The following BTBD9 variants were observed in gnomAD, a reference collection of about 807,000 sequenced individuals.
BTBD9 encodes BTB domain containing 9.
A neutral mutation model predicts 64.3 loss-of-function variants in BTBD9; 49 were observed. That is an observed-to-expected ratio of 0.76 (90% CI 0.61 to 0.97). The LOEUF (loss-of-function observed/expected upper bound fraction) is 0.97. Among genes scored for constraint, BTBD9 ranks in the 50% least tolerant of loss-of-function variants. The pLI is 0.00. For missense variants in BTBD9, 598 were observed against 762.1 expected, an observed-to-expected ratio of 0.78 and a Z score of 2.53; for synonymous variants, 260 against 274.7, an observed-to-expected ratio of 0.95 and a Z score of 0.53.
chr6:38,601,154 A>C (rs1777226206), intron 1 of BTBD9, among the ~76,000 whole-genome samples: 1 of 152,160 alleles, frequency 6.6e-6, no homozygotes, highest in Admixed American at 6.5e-5. Flanking sequence ...TGATTCTACT[A>C]AGCAACCTGG....
At chr6:38,571,544 C>T (rs1039266517) in intron 6 of BTBD9, among the ~76,000 whole-genome samples, 1 of 152,110 alleles carries the variant, frequency 6.6e-6, no homozygotes, top group East Asian at 1.9e-4. Flanking sequence ...GATTAAAATG[C>T]CATATACCAA....
chr6:38,390,876 A>C (rs956420898), intron 6 of BTBD9, among the ~76,000 whole-genome samples: 3 of 152,196 alleles, frequency 2.0e-5, no homozygotes, highest in Non-Finnish European at 4.4e-5. Context: ...TTTACTTAGC[A>C]AAATTCCTTT....
chr6:38,397,624 A>C (rs1766739169), intron 6 of BTBD9, among the ~76,000 whole-genome samples: 1 of 152,236 alleles, frequency 6.6e-6, no homozygotes, highest in Non-Finnish European at 1.5e-5. Flanking sequence ...AGAGAGAACT[A>C]GGCAGGAGAT....
chr6:38,347,445 A>C (rs1305625186), intron 6 of BTBD9, among the ~76,000 whole-genome samples: 1 of 152,216 alleles, frequency 6.6e-6, no homozygotes, highest in African/African-American at 2.4e-5. Context: ...TGCTCATAAC[A>C]AGTTTAATTA....
chr6:38,558,769 C>T (rs1232462717), intron 6 of BTBD9, among the ~76,000 whole-genome samples: 1 of 152,166 alleles, frequency 6.6e-6, no homozygotes, highest in Non-Finnish European at 1.5e-5. Context: ...TTTTGATGTG[C>T]TGCTGGATTT....
chr6:38,325,347 T>C (rs1285935183), intron 7 of BTBD9, among the ~76,000 whole-genome samples: 1 of 152,158 alleles, frequency 6.6e-6, no homozygotes, highest in East Asian at 1.9e-4. Context: ...AAGGATGGCA[T>C]ATACGATTAA....
chr6:38,373,690 T>A (rs534508946), intron 6 of BTBD9, among the ~76,000 whole-genome samples: 91 of 152,144 alleles, frequency 6.0e-4, no homozygotes, highest in African/African-American at 2.1e-3. Flanking sequence ...CACCACCACA[T>A]CCAGCTTTTT....
intron 5 of BTBD9, 87 bp from the exon 6 acceptor site, chr6:38,577,806 A>C: frequency 8.4e-7 from 1 of 1,188,472 alleles, no homozygotes; most frequent in African/African-American, 1.6e-5. Flanking sequence ...TAAAAGGTAC[A>C]AAAAATACAG....
At chr6:38,497,368 G>GT (rs1772002989) in intron 6 of BTBD9, among the ~76,000 whole-genome samples, 1 of 152,042 alleles carries the variant, frequency 6.6e-6, no homozygotes, top group African/African-American at 2.4e-5. Context: ...TCTAATGTAG[G>GT]TCCCAAGGAT....
At chr6:38,280,799 C>T (rs768249891) in intron 8 of BTBD9, among the ~76,000 whole-genome samples, 1 of 152,208 alleles carries the variant, frequency 6.6e-6, no homozygotes. Flanking sequence ...TCCTCACATA[C>T]ACTTAGATAA....
At chr6:38,206,926 T>C (rs780762974) in intron 9 of BTBD9, among the ~76,000 whole-genome samples, 20 of 152,106 alleles carry the variant, frequency 1.3e-4, no homozygotes, top group Non-Finnish European at 2.8e-4. Flanking sequence ...TTGGACAAGG[T>C]AGGGTGACAC....
chr6:38,632,327 T>C (rs980206643), intron 1 of BTBD9, among the ~76,000 whole-genome samples: 1 of 152,208 alleles, frequency 6.6e-6, no homozygotes. Flanking sequence ...ATGTATAAAA[T>C]AGGACCAAAG....
intron 9 of BTBD9, among the ~76,000 whole-genome samples, chr6:38,195,882 C>T (rs572164901): frequency 1.7e-4 from 26 of 152,294 alleles, no homozygotes; most frequent in African/African-American, 4.6e-4. Context: ...TAGCTTTGGA[C>T]GGAAGAATTT....
intron 6 of BTBD9, among the ~76,000 whole-genome samples, chr6:38,469,561 C>A (rs540089200): frequency 6.6e-6 from 1 of 152,154 alleles, no homozygotes; most frequent in South Asian, 2.1e-4. Context: ...ACCTCATGAT[C>A]CGCCCATCTC....
intron 6 of BTBD9, among the ~76,000 whole-genome samples, chr6:38,539,069 G>A (rs1164575482): frequency 1.3e-5 from 2 of 152,074 alleles, no homozygotes; most frequent in Non-Finnish European, 2.9e-5. Context: ...GCCTCCCAAA[G>A]TGCTGGGATT....
At chr6:38,223,159 G>A (rs531899647) in intron 9 of BTBD9, among the ~76,000 whole-genome samples, 191 of 152,158 alleles carry the variant, frequency 1.3e-3, no homozygotes, top group Non-Finnish European at 2.2e-3. Context: ...CACCTGCCTC[G>A]GCTTCCCAAA....
chr6:38,604,810 A>G (rs1777373494), intron 1 of BTBD9, among the ~76,000 whole-genome samples: 1 of 152,142 alleles, frequency 6.6e-6, no homozygotes, highest in Non-Finnish European at 1.5e-5. Context: ...TATTCGAGGG[A>G]GACTGCAATA....
At chr6:38,402,369 G>A (rs535781539) in intron 6 of BTBD9, among the ~76,000 whole-genome samples, 92 of 151,954 alleles carry the variant, frequency 6.1e-4, no homozygotes, top group African/African-American at 2.1e-3. Context: ...AAAGAACCCA[G>A]AATAGCCAAA....
chr6:38,504,329 C>A (rs1772349768), intron 6 of BTBD9, among the ~76,000 whole-genome samples: 1 of 152,220 alleles, frequency 6.6e-6, no homozygotes, highest in South Asian at 2.1e-4. Flanking sequence ...TTCCAAGTAA[C>A]CTCCTCTTTA....
Sources: gnomAD v4.1 joint callset for allele counts (sites outside exome capture counted in the v4.1 genomes callset) on GRCh38, gnomAD v4.1.1 for gene constraint, MANE v1.5 for transcripts, NCBI Gene and HGNC (gene_info 2026-07-23, HGNC 2026-07-21) for gene names.